THRA: variants seen among roughly 807,000 people sequenced by gnomAD.
THRA encodes the protein thyroid hormone receptor alpha, also known as EAR-7.
A neutral mutation model predicts 45.0 loss-of-function variants in THRA; 13 were observed. The ratio of observed to expected loss-of-function variants is 0.29; its 90% CI spans 0.19 to 0.46. The LOEUF is 0.46. THRA is among the 20% of genes least tolerant of loss of function. The probability of loss-of-function intolerance (pLI) is 1.00; values close to 1 mark genes in which losing one functional copy is unlikely to be tolerated. For missense variants in THRA, 278 were observed against 556.1 expected, an observed-to-expected ratio of 0.50 and a Z score of 5.03; for synonymous variants, 195 against 214.0, an observed-to-expected ratio of 0.91 and a Z score of 0.78.
chr17:40,066,801 TGAATCCCAGCTCTGTC>T (rs1312750973), intron 1 of THRA, among the ~76,000 whole-genome samples: 4 of 152,236 alleles, frequency 2.6e-5, no homozygotes, highest in African/African-American at 9.6e-5. Flanking sequence ...TGCCTAGGTC[TGAATCCCAGCTCTGTC>T]ACTTGCTGGA....
chr17:40,076,804 C>A (rs2145060672), intron 2 of THRA, 67 bp from the exon 3 acceptor site: 2 of 1,531,672 alleles, frequency 1.3e-6, no homozygotes, highest in Non-Finnish European at 1.8e-6. Flanking sequence ...ATTGCATAAG[C>A]CTCTCGGATG....
intron 1 of THRA, among the ~76,000 whole-genome samples, chr17:40,072,673 C>T (rs989531801): frequency 1.3e-5 from 2 of 152,128 alleles, no homozygotes; most frequent in East Asian, 1.9e-4. Context: ...GCCCAACCCC[C>T]GTAGCGGCCC....
intron 1 of THRA, among the ~76,000 whole-genome samples, chr17:40,070,149 T>C (rs1986723501): frequency 6.6e-6 from 1 of 151,926 alleles, no homozygotes; most frequent in Non-Finnish European, 1.5e-5. Context: ...GCCCCCCAGC[T>C]CCAGAACCTG....
At chr17:40,093,508 C>A, downstream of THRA, 1 of 1,393,684 alleles carries the variant, frequency 7.2e-7, no homozygotes, top group Non-Finnish European at 9.5e-7. The surrounding 1 kb of genome is among the most constrained non-coding windows in gnomAD (Gnocchi z 5.9). Flanking sequence ...ACCTCCCATC[C>A]CGTAAGACCA....
chr17:40,089,713 A>G lies in THRA; in HGVS notation c.*257A>G. Reference sequence around the variant, plus strand: ...GGGGGAGCTGTGTCCTGCAGTTCCCAGGACCCCATCCTCTCAGAAGGTAGG... The same window carrying G: ...GGGGGAGCTGTGTCCTGCAGTTCCCGGGACCCCATCCTCTCAGAAGGTAGG... On this transcript the variant is annotated 3_prime_UTR_variant, in exon 9 of 9. Transcript: ENST00000450525. This position sits in a 1 kb window ranked among gnomAD's most constrained non-coding sequence, Gnocchi z 6.1. 1 of 1,344,854 alleles carries G rather than the reference A, an allele frequency of 7.4e-7. No homozygotes were observed. The highest frequency in any genetic ancestry group is 9.6e-7 in the Non-Finnish European group (1 of 1,043,174). The allele number at this position is 1,344,854 out of a possible 1,614,324, so 83.3% of individuals were successfully genotyped here.
At chr17:40,082,994 C>G (rs1987198398) in intron 4 of THRA, among the ~76,000 whole-genome samples, 1 of 149,834 alleles carries the variant, frequency 6.7e-6, no homozygotes. Context: ...GTGGCGCGAT[C>G]TTGGCTCGTG....
intron 6 of THRA, among the ~76,000 whole-genome samples, chr17:40,085,919 G>T (rs761387965): frequency 6.6e-6 from 1 of 152,208 alleles, no homozygotes; most frequent in African/African-American, 2.4e-5. Flanking sequence ...TGGGATTACA[G>T]GTGTGAGCTA....
chr17:40,076,510 G>A (rs2145060029), intron 2 of THRA, among the ~76,000 whole-genome samples: 1 of 152,302 alleles, frequency 6.6e-6, no homozygotes, highest in South Asian at 2.1e-4. Flanking sequence ...GTATGTGTGT[G>A]TTCTAAAGGC....
chr17:40,082,411 G>A, intron 4 of THRA, among the ~76,000 whole-genome samples: 1 of 150,148 alleles, frequency 6.7e-6, no homozygotes, highest in Non-Finnish European at 1.5e-5. Flanking sequence ...TTTTTGAGAT[G>A]AAGTCTCACT....
At chr17:40,071,810 G>C (rs1474644413) in intron 1 of THRA, among the ~76,000 whole-genome samples, 1 of 152,144 alleles carries the variant, frequency 6.6e-6, no homozygotes, top group Non-Finnish European at 1.5e-5. Context: ...CACATGCTGG[G>C]CCCTCTGCCT....
At chr17:40,063,606 C>T (rs1442345701) in intron 1 of THRA, among the ~76,000 whole-genome samples, 1 of 152,186 alleles carries the variant, frequency 6.6e-6, no homozygotes, top group African/African-American at 2.4e-5. Flanking sequence ...GAGGGAAGTT[C>T]CCCCGCCTCA....
intron 4 of THRA, among the ~76,000 whole-genome samples, chr17:40,082,711 C>A (rs975230926): frequency 1.4e-5 from 2 of 146,584 alleles, no homozygotes; most frequent in Non-Finnish European, 3.0e-5. Flanking sequence ...CTAGGACCTT[C>A]TGCATGTAAA....
Position 40,089,367 on chromosome 17 carries a change from G to A in THRA, c.1144G>A (p.Ala382Thr). The A allele has an allele frequency of 1.2e-6, 2 of 1,613,152 alleles. No homozygotes were observed. The highest frequency in any genetic ancestry group is 1.7e-6 in the Non-Finnish European group (2 of 1,179,916). The change falls in exon 9 of 9, where the codon GCC (alanine) becomes ACC (threonine). Residue 382 changes from alanine to threonine, a missense_variant. By Grantham distance (58) the Ala-to-Thr change is moderately conservative. Around this residue, in one of 6 missense-constraint regions of THRA, gnomAD observed 14 missense variants for 56.3 expected, o/e 0.25. Coordinates refer to ENST00000450525, the MANE Select transcript of THRA (RefSeq NM_199334.5). The surrounding 1 kb of genome is among the most constrained non-coding windows in gnomAD (Gnocchi z 6.1). ...TDLRMIGACH[A>T]SRFLHMKVEC... ...CCTCCGCATGATCGGGGCCTGCCAC[G>A]CCAGCCGCTTCCTCCACATGAAAGT...
At chr17:40,085,452 G>A (rs909892229) in intron 6 of THRA, among the ~76,000 whole-genome samples, 1 of 151,614 alleles carries the variant, frequency 6.6e-6, no homozygotes, top group Non-Finnish European at 1.5e-5. Context: ...TCCCGCCTCC[G>A]TCTCCCGAGT....
chr17:40,090,182 C>T lies in THRA; in HGVS notation c.*726C>T. ...TCTTCCCCCACATCAGAGAGAAATG[C>T]CCCCACACCAGAGCCCCAAGGGTAG... On this transcript the variant is annotated 3_prime_UTR_variant, in exon 9 of 9. Transcript: ENST00000450525. 4.1e-6 allele frequency: 1 copy of T among 242,604 alleles called. No individual in the cohort carries two copies. Among genetic ancestry groups the T allele is most frequent in the Non-Finnish European group, 6.5e-6 (1 of 154,484 alleles). The allele number at this position is 242,604 out of a possible 1,614,324, so 15.0% of individuals were successfully genotyped here.
chr17:40,065,677 G>C (rs919943855), intron 1 of THRA, among the ~76,000 whole-genome samples: 1 of 152,054 alleles, frequency 6.6e-6, no homozygotes, highest in Non-Finnish European at 1.5e-5. Flanking sequence ...AGGTTGGGGT[G>C]GGGGGCGGGG....
At chr17:40,087,103 TACAC>T (rs1194070018) in intron 7 of THRA, 35 of 440,376 alleles carry the variant, frequency 7.9e-5, no homozygotes, top group East Asian at 2.9e-4. Flanking sequence ...CAGACACACA[TACAC>T]ACACACATAC....
At chr17:40,079,022 G>A (rs751415725) in intron 4 of THRA, among the ~76,000 whole-genome samples, 1 of 152,060 alleles carries the variant, frequency 6.6e-6, no homozygotes, top group Admixed American at 6.6e-5. Context: ...GAGCCACTGC[G>A]CCCAGCCTGC....
intron 2 of THRA, 42 bp from the exon 3 acceptor site, chr17:40,076,829 C>T (rs762706791): frequency 1.9e-5 from 31 of 1,606,576 alleles, no homozygotes; most frequent in Non-Finnish European, 2.5e-5. Context: ...AGGGGCTACT[C>T]GAAGACTGCT....
Sources: allele counts gnomAD v4.1 joint callset (sites outside exome capture counted in the v4.1 genomes callset), GRCh38; gene constraint gnomAD v4.1.1; regional missense constraint gnomAD v4.1.1; non-coding constraint Gnocchi (gnomAD v3.1); transcripts MANE v1.5; gene names NCBI Gene and HGNC (gene_info 2026-07-23, HGNC 2026-07-21).